MTSS1: variants seen among roughly 807,000 people sequenced by gnomAD.
MTSS1 encodes protein MTSS 1.
In MTSS1, 18 loss-of-function variants were observed where a neutral mutation model predicts 79.0. That is an observed-to-expected ratio of 0.23 (90% CI 0.16 to 0.34). MTSS1 has a LOEUF of 0.34. MTSS1 is among the 10% of genes least tolerant of loss of function. The probability of loss-of-function intolerance (pLI) is 1.00; values close to 1 mark genes in which losing one functional copy is unlikely to be tolerated. For synonymous variants in MTSS1, 341 were observed against 368.6 expected (o/e 0.93, Z 0.86); for missense variants, 815 against 986.2 (o/e 0.83, Z 2.33).
At chr8:124,721,855 G>C (rs1832990132) in intron 1 of MTSS1, among the ~76,000 whole-genome samples, 1 of 152,140 alleles carries the variant, frequency 6.6e-6, no homozygotes, top group South Asian at 2.1e-4. Flanking sequence ...AAGCTCCCAG[G>C]GAACCCAATG....
At chr8:124,661,081 A>G (rs773599697) in intron 3 of MTSS1, among the ~76,000 whole-genome samples, 1 of 152,280 alleles carries the variant, frequency 6.6e-6, no homozygotes, top group Non-Finnish European at 1.5e-5. Context: ...ATAAGATGCC[A>G]GAGGGCAGTG....
intron 3 of MTSS1, among the ~76,000 whole-genome samples, chr8:124,676,879 A>T (rs1399884535): frequency 6.6e-6 from 1 of 152,210 alleles, no homozygotes; most frequent in Non-Finnish European, 1.5e-5. Flanking sequence ...CACGCTGATG[A>T]AAAGGACTTG....
chr8:124,645,494 C>T (rs1179623620), intron 3 of MTSS1, among the ~76,000 whole-genome samples: 1 of 152,188 alleles, frequency 6.6e-6, no homozygotes, highest in Non-Finnish European at 1.5e-5. Context: ...TGGCAAAAAT[C>T]TTAGGATAAA....
At chr8:124,706,156 T>G (rs1282243683) in intron 1 of MTSS1, among the ~76,000 whole-genome samples, 1 of 152,056 alleles carries the variant, frequency 6.6e-6, no homozygotes, top group Non-Finnish European at 1.5e-5. Context: ...CACCTTGTTA[T>G]AGAATCGTCT....
intron 1 of MTSS1, among the ~76,000 whole-genome samples, chr8:124,721,146 C>T (rs12547466): frequency 4.6e-5 from 7 of 152,212 alleles, no homozygotes; most frequent in African/African-American, 1.4e-4. Context: ...CTGTTCCGTA[C>T]GGTAGCTACT....
At chr8:124,676,633 T>C (rs1396448391) in intron 3 of MTSS1, among the ~76,000 whole-genome samples, 1 of 152,220 alleles carries the variant, frequency 6.6e-6, no homozygotes, top group Non-Finnish European at 1.5e-5. Flanking sequence ...CCAAGACAAC[T>C]TCTCAGCAAA....
At position 124,556,287 on chromosome 8, in the gene MTSS1, G is replaced by C; in HGVS notation, c.1349C>G (p.Ala450Gly). The C allele has an allele frequency of 3.1e-6, 5 of 1,614,252 alleles. No homozygotes were observed. The highest frequency in any genetic ancestry group is 4.2e-6 in the Non-Finnish European group (5 of 1,180,048). ...GGPTTASGPP[A>G]AAEEAQRPRS... is the part of the protein sequence containing the mutation. ...TGGTCTCTGAGCCTCCTCAGCTGCTGCAGGTGGGCCGCTGGCGGTAGTGGG... is the reference window on the plus strand; with the variant it reads ...TGGTCTCTGAGCCTCCTCAGCTGCTCCAGGTGGGCCGCTGGCGGTAGTGGG... The change falls in exon 12 of 14, where the codon GCA becomes GGA. Residue 450 changes from alanine to glycine, a missense_variant. This residue lies in a region of MTSS1 where 590 missense variants were observed against 620.8 expected (regional missense o/e 0.95). Transcript: ENST00000518547.
rs1479028016 is a variant in MTSS1, at chr8:124,551,134, T to A, written c.*1858A>T. ...GTGAAAAGCTGTACCAAGGTACAGT[T>A]ACATCCATTTATTTCAAAGGTTTAA... On this transcript the variant is annotated 3_prime_UTR_variant, in exon 14 of 14. Coordinates refer to ENST00000518547, the MANE Select transcript of MTSS1 (RefSeq NM_014751.6). The A allele has an allele frequency of 2.0e-5, 3 of 152,618 alleles. No homozygotes were observed. Among genetic ancestry groups the A allele is most frequent in the African/African-American group, 7.2e-5 (3 of 41,464 alleles). 9.5% of individuals were successfully genotyped at this position (152,618 alleles called of 1,614,324 possible). A position where few individuals can be genotyped will look rare whatever the true frequency, so the allele number is the denominator to read the frequency against.
At chr8:124,718,838 G>C (rs561812225) in intron 1 of MTSS1, among the ~76,000 whole-genome samples, 22 of 152,228 alleles carry the variant, frequency 1.4e-4, no homozygotes, top group Middle Eastern at 3.4e-3. Context: ...TGCACACTTC[G>C]ATCTCACAGC....
intron 6 of MTSS1, among the ~76,000 whole-genome samples, chr8:124,569,925 G>A (rs1007577420): frequency 1.3e-5 from 2 of 152,130 alleles, no homozygotes; most frequent in Admixed American, 1.3e-4. Context: ...CCACCGCCTC[G>A]CAGGAAGGGC....
intron 3 of MTSS1, among the ~76,000 whole-genome samples, chr8:124,614,679 C>T (rs1836514790): frequency 1.3e-5 from 2 of 152,236 alleles, no homozygotes; most frequent in African/African-American, 2.4e-5. Context: ...GCATCAGATG[C>T]TACTGAACCT....
chr8:124,570,370 CCCT>C (rs1244528223), intron 6 of MTSS1, among the ~76,000 whole-genome samples: 2 of 152,086 alleles, frequency 1.3e-5, no homozygotes, highest in African/African-American at 4.8e-5. Flanking sequence ...CTACACTGGC[CCCT>C]CCTCTGTGGT....
At chr8:124,698,427 T>A (rs1829193476) in intron 3 of MTSS1, among the ~76,000 whole-genome samples, 1 of 151,840 alleles carries the variant, frequency 6.6e-6, no homozygotes, top group South Asian at 2.1e-4. Context: ...GTAGCTGCAT[T>A]GCAATGAAAA....
At chr8:124,556,770 A>C (rs1468993220) in intron 11 of MTSS1, among the ~76,000 whole-genome samples, 1 of 152,230 alleles carries the variant, frequency 6.6e-6, no homozygotes, top group Non-Finnish European at 1.5e-5. Context: ...GCTCCTTAAC[A>C]ACCCAGATGG....
At chr8:124,568,275 C>T (rs2132090328) in intron 7 of MTSS1, 104 bp downstream of exon 7, 2 of 1,356,588 alleles carry the variant, frequency 1.5e-6, no homozygotes, top group Admixed American at 2.2e-5. Context: ...CATCATGATT[C>T]CTGACAGTAG....
At chr8:124,697,309 C>T (rs1828994360) in intron 3 of MTSS1, among the ~76,000 whole-genome samples, 1 of 151,392 alleles carries the variant, frequency 6.6e-6, no homozygotes, top group African/African-American at 2.4e-5. Flanking sequence ...CCTGTAATCC[C>T]AGCACTATGG....
chr8:124,664,916 CT>C (rs939660648), intron 3 of MTSS1, among the ~76,000 whole-genome samples: 31 of 152,304 alleles, frequency 2.0e-4, no homozygotes, highest in African/African-American at 7.5e-4. Context: ...ACAGTTCATT[CT>C]TTCCCCCCGA....
intron 3 of MTSS1, among the ~76,000 whole-genome samples, chr8:124,663,404 G>A (rs1041120397): frequency 6.6e-6 from 1 of 152,002 alleles, no homozygotes; most frequent in Admixed American, 6.6e-5. Context: ...CAACCCCTGT[G>A]CTCACTCGGC....
chr8:124,650,181 CCACCACG>C (rs1466796320), intron 3 of MTSS1, among the ~76,000 whole-genome samples: 4 of 152,154 alleles, frequency 2.6e-5, no homozygotes, highest in Admixed American at 1.3e-4. Flanking sequence ...CAGGTATGCA[CCACCACG>C]CCCAGCTAAT....
Sources: allele counts gnomAD v4.1 joint callset (sites outside exome capture counted in the v4.1 genomes callset), GRCh38; gene constraint gnomAD v4.1.1; regional missense constraint gnomAD v4.1.1; transcripts MANE v1.5; gene names NCBI Gene and HGNC (gene_info 2026-07-23, HGNC 2026-07-21).